Variants in PTPRD observed in about 807,000 individuals in gnomAD.
PTPRD encodes receptor-type tyrosine-protein phosphatase delta.
PTPRD carries 34 observed loss-of-function variants against 214.5 expected under a neutral mutation model. The ratio of observed to expected loss-of-function variants is 0.16; its 90% CI spans 0.12 to 0.21. The LOEUF (loss-of-function observed/expected upper bound fraction) is 0.21, where lower values mean the gene tolerates loss of function less well. PTPRD is among the 10% of genes least tolerant of loss of function. The pLI is 1.00. For missense variants in PTPRD, 2,545 were observed against 2,398.7 expected (o/e 1.06, Z -1.27); for synonymous variants, 1,128 against 845.7 (o/e 1.33, Z -5.79).
At chr9:10,154,448 C>G (rs1487967735) in intron 3 of PTPRD, among the ~76,000 whole-genome samples, 1 of 152,066 alleles carries the variant, frequency 6.6e-6, no homozygotes, top group Admixed American at 6.6e-5. Flanking sequence ...TTTTGTTGTG[C>G]AGAAGTTATT....
intron 14 of PTPRD, among the ~76,000 whole-genome samples, chr9:8,620,537 T>C (rs1246753269): frequency 1.3e-5 from 2 of 151,968 alleles, no homozygotes; most frequent in Non-Finnish European, 2.9e-5. Flanking sequence ...ACTGTTCAAA[T>C]GCAATGAGAG....
At chr9:10,246,953 A>T (rs535064444) in intron 3 of PTPRD, among the ~76,000 whole-genome samples, 2 of 151,928 alleles carry the variant, frequency 1.3e-5, no homozygotes, top group South Asian at 4.1e-4. Context: ...CAAATAAAAT[A>T]AAATGTCTTA....
chr9:10,132,401 A>G (rs2098899781), intron 3 of PTPRD, among the ~76,000 whole-genome samples: 1 of 152,210 alleles, frequency 6.6e-6, no homozygotes, highest in South Asian at 2.1e-4. Flanking sequence ...CTTGAAAATA[A>G]TTATTCACTT....
chr9:10,336,630 G>A (rs1351599788), intron 3 of PTPRD, among the ~76,000 whole-genome samples: 4 of 151,318 alleles, frequency 2.6e-5, no homozygotes, highest in African/African-American at 9.7e-5. Context: ...TTAGGTCTAG[G>A]TAATATTTAT....
At chr9:8,511,120 G>C (rs953032399) in intron 21 of PTPRD, among the ~76,000 whole-genome samples, 2 of 152,042 alleles carry the variant, frequency 1.3e-5, no homozygotes, top group African/African-American at 2.4e-5. Flanking sequence ...CCAGGCTGGA[G>C]TGCAATGGCA....
intron 9 of PTPRD, among the ~76,000 whole-genome samples, chr9:9,324,096 A>C (rs10977661): frequency 3.4e-4 from 51 of 152,154 alleles, no homozygotes; most frequent in Admixed American, 5.9e-4. Context: ...TCATTGATGG[A>C]CATTTGGGTT....
At chr9:9,004,663 C>T (rs2099448563) in intron 11 of PTPRD, among the ~76,000 whole-genome samples, 10 of 151,994 alleles carry the variant, frequency 6.6e-5, no homozygotes, top group Admixed American at 6.6e-4. Context: ...AACCACCCTG[C>T]AAATAAAGAG....
chr9:9,528,558 T>C (rs1157817109), intron 8 of PTPRD, among the ~76,000 whole-genome samples: 1 of 152,060 alleles, frequency 6.6e-6, no homozygotes, highest in African/African-American at 2.4e-5. Context: ...CTTGAAGACA[T>C]ATTGCGAGAA....
At chr9:9,429,727 G>A (rs185933543) in intron 8 of PTPRD, among the ~76,000 whole-genome samples, 163 of 152,266 alleles carry the variant, frequency 1.1e-3, no homozygotes, top group African/African-American at 3.8e-3. Flanking sequence ...TTCATCCCTG[G>A]AATGCAATGC....
chr9:9,895,419 G>T (rs1241329623), intron 5 of PTPRD, among the ~76,000 whole-genome samples: 1 of 151,976 alleles, frequency 6.6e-6, no homozygotes, highest in Admixed American at 6.6e-5. Flanking sequence ...TAGTTCAATA[G>T]AATGTTTGAT....
intron 3 of PTPRD, among the ~76,000 whole-genome samples, chr9:10,245,883 G>C (rs1007647793): frequency 1.3e-5 from 2 of 152,072 alleles, no homozygotes; most frequent in Non-Finnish European, 2.9e-5. Flanking sequence ...TCAAGAATGA[G>C]GTGGCATGTG....
chr9:10,068,505 A>G (rs2097925891), intron 3 of PTPRD, among the ~76,000 whole-genome samples: 1 of 151,920 alleles, frequency 6.6e-6, no homozygotes, highest in Non-Finnish European at 1.5e-5. Flanking sequence ...ACTTAATTTC[A>G]TCTACGTAAT....
At chr9:8,500,575 A>AAAAAAC (rs2097376999) in intron 24 of PTPRD, among the ~76,000 whole-genome samples, 179 bp downstream of exon 24, 1 of 145,482 alleles carries the variant, frequency 6.9e-6, no homozygotes, top group African/African-American at 2.5e-5. Flanking sequence ...AAAAAAAAAA[A>AAAAAAC]AAAAAAAAAA....
intron 10 of PTPRD, among the ~76,000 whole-genome samples, chr9:9,138,882 T>C (rs1488114439): frequency 2.0e-5 from 3 of 152,116 alleles, no homozygotes; most frequent in Non-Finnish European, 4.4e-5. Context: ...AAAATTACAG[T>C]TTTTACACAA....
chr9:10,398,965 G>A (rs1565788054), intron 2 of PTPRD, among the ~76,000 whole-genome samples: 1 of 151,920 alleles, frequency 6.6e-6, no homozygotes, highest in East Asian at 2.0e-4. Flanking sequence ...TCTCCAACAT[G>A]GGAATCTCCT....
At chr9:10,456,056 G>C (rs2098914549) in intron 2 of PTPRD, among the ~76,000 whole-genome samples, 1 of 151,800 alleles carries the variant, frequency 6.6e-6, no homozygotes, top group Non-Finnish European at 1.5e-5. Flanking sequence ...CAAGTAGAAA[G>C]AAGTCTTGTA....
At chr9:8,444,980 G>C (rs982100371) in intron 34 of PTPRD, among the ~76,000 whole-genome samples, 4 of 152,206 alleles carry the variant, frequency 2.6e-5, no homozygotes, top group Admixed American at 1.3e-4. Context: ...TTTTATAAGT[G>C]AATATTTTCT....
At chr9:9,176,173 G>A (rs544453864) in intron 10 of PTPRD, among the ~76,000 whole-genome samples, 10 of 152,290 alleles carry the variant, frequency 6.6e-5, no homozygotes, top group Admixed American at 6.5e-4. Flanking sequence ...TATGTAAGAA[G>A]GTTGTCAGCT....
chr9:8,945,794 T>G (rs1427517695), intron 11 of PTPRD, among the ~76,000 whole-genome samples: 1 of 152,202 alleles, frequency 6.6e-6, no homozygotes, highest in Non-Finnish European at 1.5e-5. Context: ...CTAAGATGCA[T>G]CCTCCTTTCC....
Sources: allele counts gnomAD v4.1 joint callset (sites outside exome capture counted in the v4.1 genomes callset), GRCh38; gene constraint gnomAD v4.1.1; transcripts MANE v1.5; gene names NCBI Gene and HGNC (gene_info 2026-07-23, HGNC 2026-07-21).